DCAF8L2: variants seen among roughly 807,000 people sequenced by gnomAD.
The protein encoded by DCAF8L2 is DDB1- and CUL4-associated factor 8-like protein 2.
For missense variants in DCAF8L2, 430 were observed against 490.7 expected (o/e 0.88, Z 1.17); for synonymous variants, 200 against 190.9 (o/e 1.05, Z -0.39).
chrX:27,710,426 G>A (rs1404460750), intron 3 of DCAF8L2, among the ~76,000 whole-genome samples: 1 of 111,516 alleles, frequency 9.0e-6, no homozygotes. Context: ...CAGAATTAGA[G>A]TATTTTTCTT....
chrX:27,715,460 C>T (rs750366369), intron 3 of DCAF8L2, among the ~76,000 whole-genome samples: 2 of 108,959 alleles, frequency 1.8e-5, no homozygotes, highest in South Asian at 7.9e-4. Flanking sequence ...GACACTTTAA[C>T]TCAATGGTTA....
chrX:27,612,931 G>A (rs1927262363), intron 1 of DCAF8L2, among the ~76,000 whole-genome samples: 1 of 111,510 alleles, frequency 9.0e-6, no homozygotes, highest in Non-Finnish European at 1.9e-5. Context: ...TGGCAATGTG[G>A]GCTCTTTTTT....
intron 2 of DCAF8L2, among the ~76,000 whole-genome samples, chrX:27,663,970 A>G (rs977215734): frequency 1.9e-5 from 2 of 105,989 alleles, no homozygotes; most frequent in African/African-American, 6.9e-5. Flanking sequence ...TCGGCCTCCC[A>G]AAGTGCTGGG....
chrX:27,666,976 A>G (rs1450064284), intron 2 of DCAF8L2, among the ~76,000 whole-genome samples: 1 of 111,579 alleles, frequency 9.0e-6, no homozygotes, highest in Non-Finnish European at 1.9e-5. Flanking sequence ...GCAGATTCTG[A>G]TTTAGTATAT....
At chrX:27,537,527 G>A in the DCAF8L2 span, among the ~76,000 whole-genome samples, 10,775 of 111,920 alleles carry the variant, frequency 0.096, 404 homozygotes, top group Non-Finnish European at 0.12. Flanking sequence ...TACAATTTTA[G>A]CCATTTCAAA....
At chrX:27,611,608 G>A (rs1443194559) in intron 1 of DCAF8L2, among the ~76,000 whole-genome samples, 2 of 101,840 alleles carry the variant, frequency 2.0e-5, no homozygotes, top group Non-Finnish European at 4.0e-5. Context: ...CCCACCCCAC[G>A]ACAGGCCCCG....
chrX:27,707,826 A>G (rs1482583168), intron 3 of DCAF8L2, among the ~76,000 whole-genome samples: 1 of 111,323 alleles, frequency 9.0e-6, no homozygotes, highest in Non-Finnish European at 1.9e-5. Context: ...TTAGTTACTG[A>G]GAGTGTTATT....
chrX:27,538,849 T>C, the DCAF8L2 span, among the ~76,000 whole-genome samples: 3 of 112,026 alleles, frequency 2.7e-5, no homozygotes, highest in Non-Finnish European at 5.6e-5. Flanking sequence ...TCACTTATTG[T>C]CCCTTAAATC....
At position 27,611,896 on chromosome X, in the gene DCAF8L2, A is replaced by G. The variant is rs149791045; in HGVS notation, c.-341-19983A>G. 9.4e-3 allele frequency among the ~76,000 whole-genome samples: 1,051 copies of G among 111,419 alleles called. 6 individuals carry two copies. Among genetic ancestry groups the G allele is most frequent in the African/African-American group, 0.033 (998 of 30,638 alleles). On this transcript the variant is annotated intron_variant, in intron 1 of 4. Coordinates refer to ENST00000451261, the MANE Select transcript of DCAF8L2 (RefSeq NM_001353450.2). ...CTTTGCTATTGTGAATAGTGCTGCA[A>G]TAAACATACGTGTGCATGTTCTTTA...
At chrX:27,474,530 C>G in the DCAF8L2 span, among the ~76,000 whole-genome samples, 1 of 111,414 alleles carries the variant, frequency 9.0e-6, no homozygotes, top group African/African-American at 3.3e-5. Flanking sequence ...ATGTCTTGGC[C>G]TCAATTTCTA....
chrX:27,495,946 T>G, the DCAF8L2 span, among the ~76,000 whole-genome samples: 1 of 111,817 alleles, frequency 8.9e-6, no homozygotes, highest in Admixed American at 9.6e-5. Flanking sequence ...TCCTGTGTCT[T>G]GGTCATTTGC....
At chrX:27,731,900 A>G (rs1168876616) in intron 4 of DCAF8L2, among the ~76,000 whole-genome samples, 1 of 112,140 alleles carries the variant, frequency 8.9e-6, no homozygotes, top group East Asian at 2.8e-4. Context: ...ATCACTTTAC[A>G]TACAGTGAGA....
chrX:27,746,766 T>C, intron 4 of DCAF8L2, 72 bp from the exon 5 acceptor site: 1 of 562,080 alleles, frequency 1.8e-6, no homozygotes, highest in Non-Finnish European at 2.8e-6. Flanking sequence ...CCAATCAGAT[T>C]GCTGTTTGAT....
At chrX:27,617,453 C>T (rs774401156) in intron 1 of DCAF8L2, among the ~76,000 whole-genome samples, 1 of 110,634 alleles carries the variant, frequency 9.0e-6, no homozygotes, top group South Asian at 3.8e-4. Context: ...TAAACATTAT[C>T]CTTCATGGAG....
chrX:27,511,083 G>GCAC, the DCAF8L2 span, among the ~76,000 whole-genome samples: 1 of 110,656 alleles, frequency 9.0e-6, no homozygotes, highest in Non-Finnish European at 1.9e-5. Context: ...GAGCAAATAT[G>GCAC]TACAACAGCT....
the DCAF8L2 span, among the ~76,000 whole-genome samples, chrX:27,525,487 G>A: frequency 1.8e-5 from 2 of 111,631 alleles, no homozygotes; most frequent in East Asian, 2.8e-4. Context: ...TATCCAATTT[G>A]CCAGTCTGTG....
chrX:27,554,474 G>C, the DCAF8L2 span, among the ~76,000 whole-genome samples: 1 of 112,140 alleles, frequency 8.9e-6, no homozygotes, highest in Non-Finnish European at 1.9e-5. Flanking sequence ...TGAGGATCAG[G>C]TCAAGAAAGG....
intron 2 of DCAF8L2, among the ~76,000 whole-genome samples, chrX:27,672,159 TA>T (rs1000344417): frequency 1.3e-4 from 15 of 111,967 alleles, no homozygotes; most frequent in Admixed American, 2.8e-4. Context: ...TGTTTGCTTC[TA>T]AGCAAATATA....
chrX:27,629,494 TTCTC>T (rs1195068614), intron 1 of DCAF8L2, among the ~76,000 whole-genome samples: 6 of 108,122 alleles, frequency 5.5e-5, no homozygotes, highest in Non-Finnish European at 9.6e-5. Flanking sequence ...TTCCTTCCTT[TTCTC>T]TCTCTCTCTC....
Sources: gnomAD v4.1 joint callset for allele counts (sites outside exome capture counted in the v4.1 genomes callset) on GRCh38, gnomAD v4.1.1 for gene constraint, MANE v1.5 for transcripts, NCBI Gene and HGNC (gene_info 2026-07-23, HGNC 2026-07-21) for gene names.